Variants in ARHGAP44 observed in about 807,000 individuals in gnomAD.
ARHGAP44 encodes rho GTPase-activating protein 44.
In ARHGAP44, 43 loss-of-function variants were observed where a neutral mutation model predicts 106.8. That is an observed-to-expected ratio of 0.40 (90% CI 0.32 to 0.52). The LOEUF is 0.52. Ranked by LOEUF, ARHGAP44 falls within the 20% of genes least tolerant of loss-of-function variation. The pLI is 0.48. For synonymous variants in ARHGAP44, 439 were observed against 410.3 expected (o/e 1.07, Z -0.85); for missense variants, 866 against 1,050.5 (o/e 0.82, Z 2.43).
chr17:12,822,140 G>A (rs1400048506), intron 1 of ARHGAP44, among the ~76,000 whole-genome samples: 1 of 152,166 alleles, frequency 6.6e-6, no homozygotes, highest in Non-Finnish European at 1.5e-5. Context: ...TACAGGGCCA[G>A]GCAGTAAATA....
chr17:12,941,029 C>G, intron 7 of ARHGAP44, 27 bp from the exon 8 acceptor site: 1 of 1,610,128 alleles, frequency 6.2e-7, no homozygotes, highest in Non-Finnish European at 8.5e-7. Flanking sequence ...TATGTTTTAC[C>G]TTGGTTGTAT....
chr17:12,970,330 C>CAGTCCA (rs1368925133), intron 16 of ARHGAP44, among the ~76,000 whole-genome samples: 1 of 136,478 alleles, frequency 7.3e-6, no homozygotes, highest in African/African-American at 2.7e-5. Context: ...TATGTCACTG[C>CAGTCCA]AGTCCAGCCT....
intron 1 of ARHGAP44, among the ~76,000 whole-genome samples, chr17:12,828,863 G>A (rs1033125210): frequency 6.6e-6 from 1 of 151,918 alleles, no homozygotes. Flanking sequence ...GGATGGTCTC[G>A]ATCTCCTGAC....
In ARHGAP44 at chr17:12,841,894, A is replaced by G. The variant is rs193019768; in HGVS notation, c.53+52003A>G. Among the ~76,000 whole-genome samples the G allele has an allele frequency of 9.7e-4, 148 of 152,314 alleles. 1 individual carries two copies. Among genetic ancestry groups the G allele is most frequent in the South Asian group, 2.1e-3 (10 of 4,828 alleles). On this transcript the variant is annotated intron_variant, in intron 1 of 20. Coordinates refer to ENST00000379672, the MANE Select transcript of ARHGAP44 (RefSeq NM_014859.6). ...CGGGGTTTGCAAATTTTTCAGGCAC[A>G]TATAGTTATGCAAACACGTTGAAAA...
chr17:12,810,358 G>A (rs575670963), intron 1 of ARHGAP44, among the ~76,000 whole-genome samples: 1 of 152,298 alleles, frequency 6.6e-6, no homozygotes, highest in South Asian at 2.1e-4. Flanking sequence ...TTTAGGATAA[G>A]GAATATCTTA....
chr17:12,914,001 A>C (rs1374232514), intron 4 of ARHGAP44, among the ~76,000 whole-genome samples: 1 of 148,154 alleles, frequency 6.7e-6, no homozygotes, highest in African/African-American at 2.4e-5. Flanking sequence ...GGCACCATTA[A>C]AGACATACAA....
intron 16 of ARHGAP44, among the ~76,000 whole-genome samples, chr17:12,961,297 T>C (rs889555109): frequency 2.6e-4 from 39 of 152,346 alleles, no homozygotes; most frequent in African/African-American, 8.9e-4. Context: ...GCTCTCCTGC[T>C]TAAGAATTTT....
chr17:12,815,119 T>G (rs2034559562), intron 1 of ARHGAP44, among the ~76,000 whole-genome samples: 1 of 147,594 alleles, frequency 6.8e-6, no homozygotes, highest in Non-Finnish European at 1.5e-5. Flanking sequence ...TGCTGCAGGT[T>G]GTTCTTTTGA....
chr17:12,926,351 C>T lies in ARHGAP44; in HGVS notation c.465-2578C>T, dbSNP rs182981759. 2.6e-3 allele frequency among the ~76,000 whole-genome samples: 371 copies of T among 145,106 alleles called. 2 individuals are homozygous for T. The highest frequency in any genetic ancestry group is 8.8e-3 in the African/African-American group (345 of 39,230). On this transcript the variant is annotated intron_variant, in intron 6 of 20. Transcript: ENST00000379672. ...CTGCACTCCAGCCTGGGTGACAGAG[C>T]GAGACTTGATATGAAAAAAAAATTA... is the stretch of plus-strand genomic sequence containing the variant.
At chr17:12,967,249 CTTTTTTTTTTTTTT>C (rs57651305) in intron 16 of ARHGAP44, among the ~76,000 whole-genome samples, 5 of 93,184 alleles carry the variant, frequency 5.4e-5, no homozygotes, top group Non-Finnish European at 8.4e-5. Flanking sequence ...ACTCTTTTTG[CTTTTTTTTTTTTTT>C]TTTTTTTTTT....
intron 3 of ARHGAP44, among the ~76,000 whole-genome samples, chr17:12,903,984 G>A (rs2037471549): frequency 1.3e-5 from 2 of 152,192 alleles, no homozygotes; most frequent in Admixed American, 1.3e-4. Flanking sequence ...ATCATTTGTA[G>A]TCTGTTGTGC....
intron 16 of ARHGAP44, among the ~76,000 whole-genome samples, chr17:12,968,276 A>G (rs1012762727): frequency 6.6e-6 from 1 of 152,156 alleles, no homozygotes; most frequent in Admixed American, 6.5e-5. Flanking sequence ...CTAATTCTAC[A>G]AGCAAGAGAT....
At chr17:12,978,049 A>AAAAAAAAAAAAAAAAAAAAAAAAAAAT (rs1567721101) in intron 18 of ARHGAP44, among the ~76,000 whole-genome samples, 15 of 149,916 alleles carry the variant, frequency 1.0e-4, no homozygotes, top group African/African-American at 3.4e-4. Context: ...AAAAAAAAAA[A>AAAAAAAAAAAAAAAAAAAAAAAAAAAT]AAAAAAAGTG....
intron 7 of ARHGAP44, among the ~76,000 whole-genome samples, chr17:12,933,422 C>G (rs919051576): frequency 6.6e-6 from 1 of 152,156 alleles, no homozygotes; most frequent in African/African-American, 2.4e-5. Context: ...AAGACAAAAC[C>G]CACTGAGCCC....
intron 1 of ARHGAP44, among the ~76,000 whole-genome samples, chr17:12,818,633 C>T (rs1180566410): frequency 1.3e-5 from 2 of 152,000 alleles, no homozygotes; most frequent in African/African-American, 2.4e-5. Flanking sequence ...ATGAAAGTCT[C>T]AAGACACAGA....
intron 4 of ARHGAP44, among the ~76,000 whole-genome samples, chr17:12,912,768 A>C (rs866473097): frequency 1.7e-4 from 26 of 152,346 alleles, no homozygotes; most frequent in Admixed American, 4.6e-4. Context: ...GTGCCTTTAA[A>C]ATTCTGAAGG....
At chr17:12,903,029 C>T (rs1396352075) in intron 3 of ARHGAP44, among the ~76,000 whole-genome samples, 1 of 144,698 alleles carries the variant, frequency 6.9e-6, no homozygotes, top group Non-Finnish European at 1.5e-5. Flanking sequence ...AGCTGGTTGC[C>T]TGGGGCTGGA....
At chr17:12,975,527 G>A (rs980128847) in intron 18 of ARHGAP44, among the ~76,000 whole-genome samples, 7 of 152,150 alleles carry the variant, frequency 4.6e-5, no homozygotes, top group South Asian at 4.2e-4. Context: ...GGCCGGGCAC[G>A]GTGGCTCACG....
At position 12,941,100 on chromosome 17, in the gene ARHGAP44, T is replaced by C. The variant is rs763533023; in HGVS notation, c.627T>C (p.Ile209=). ...ADMYSFVAKE[I]DYANYFQTLI... is the part of the protein sequence containing the mutation. ...TGTACAGTTTTGTGGCCAAAGAAATTGACTATGCAAACTACTTTCAAACGG... is the reference window on the plus strand; with the variant it reads ...TGTACAGTTTTGTGGCCAAAGAAATCGACTATGCAAACTACTTTCAAACGG... The change falls in exon 8 of 21, where the codon ATT becomes ATC. Residue 209 remains isoleucine (I), a synonymous_variant. Coordinates refer to ENST00000379672, the MANE Select transcript of ARHGAP44 (RefSeq NM_014859.6). The C allele has an allele frequency of 2.5e-6, 4 of 1,613,888 alleles. No homozygotes were observed. In the African/African-American group the frequency reaches 5.3e-5, roughly 22 times the overall value.
Sources: gnomAD v4.1 joint callset for allele counts (sites outside exome capture counted in the v4.1 genomes callset) on GRCh38, gnomAD v4.1.1 for gene constraint, MANE v1.5 for transcripts, NCBI Gene and HGNC (gene_info 2026-07-23, HGNC 2026-07-21) for gene names.